The following EEIG2 variants were observed in gnomAD, a reference collection of about 807,000 sequenced individuals.
EEIG2 encodes the protein family with sequence similarity 102 member B.
chr1:108,580,219 G>A, the EEIG2 span, among the ~76,000 whole-genome samples: 1 of 152,118 alleles, frequency 6.6e-6, no homozygotes, highest in Non-Finnish European at 1.5e-5. Flanking sequence ...TTGTTTTGGG[G>A]AGCCATGAAC....
At chr1:108,574,769 G>C in the EEIG2 span, among the ~76,000 whole-genome samples, 2 of 152,144 alleles carry the variant, frequency 1.3e-5, no homozygotes, top group Non-Finnish European at 2.9e-5. Context: ...GGGGGGGTTA[G>C]ATGGTCAATT....
chr1:108,562,848 GA>G, the EEIG2 span, among the ~76,000 whole-genome samples: 966 of 136,262 alleles, frequency 7.1e-3, 7 homozygotes, highest in African/African-American at 0.022. Flanking sequence ...CATTTTACAA[GA>G]AAAAAAAAAA....
chr1:108,633,314 G>A, the EEIG2 span, among the ~76,000 whole-genome samples: 1 of 151,220 alleles, frequency 6.6e-6, no homozygotes, highest in Admixed American at 6.6e-5. Context: ...TGAAAGACAA[G>A]GTCTCACTCT....
At chr1:108,596,922 G>C in the EEIG2 span, among the ~76,000 whole-genome samples, 1 of 151,814 alleles carries the variant, frequency 6.6e-6, no homozygotes, top group Non-Finnish European at 1.5e-5. Flanking sequence ...GTTGAAACAG[G>C]GTCTCCTTTG....
chr1:108,630,342 G>A, the EEIG2 span, among the ~76,000 whole-genome samples: 5 of 152,042 alleles, frequency 3.3e-5, no homozygotes, highest in Admixed American at 6.6e-5. Flanking sequence ...ACCAAACACC[G>A]CTTGTTCTCA....
the EEIG2 span, among the ~76,000 whole-genome samples, chr1:108,596,721 A>G: frequency 6.6e-6 from 1 of 151,468 alleles, no homozygotes; most frequent in Non-Finnish European, 1.5e-5. Context: ...TGTTTTGTTC[A>G]AGTTGCTATT....
At chr1:108,628,070 T>C in the EEIG2 span, 1 of 1,006,642 alleles carries the variant, frequency 9.9e-7, no homozygotes, top group Non-Finnish European at 1.5e-6. Context: ...GTTTTGATAA[T>C]GAACTTGGCA....
At chr1:108,582,368 CA>C in the EEIG2 span, among the ~76,000 whole-genome samples, 1 of 152,066 alleles carries the variant, frequency 6.6e-6, no homozygotes, top group African/African-American at 2.4e-5. Flanking sequence ...AATTTTTTTA[CA>C]TTATGAGATT....
chr1:108,628,347 CAG>C, the EEIG2 span: 2 of 1,610,774 alleles, frequency 1.2e-6, no homozygotes, highest in African/African-American at 2.7e-5. Flanking sequence ...TGTCAGATTG[CAG>C]AGTGTTTGAT....
chr1:108,629,795 T>C, the EEIG2 span: 4 of 700,230 alleles, frequency 5.7e-6, no homozygotes, highest in South Asian at 4.7e-5. Flanking sequence ...TGCGAAGAGT[T>C]ACAGCTCTTA....
the EEIG2 span, among the ~76,000 whole-genome samples, chr1:108,617,926 G>T: frequency 6.6e-6 from 1 of 152,212 alleles, no homozygotes; most frequent in Non-Finnish European, 1.5e-5. Context: ...GACTTTGGCA[G>T]GCACTTTGGT....
the EEIG2 span, chr1:108,624,665 C>T: frequency 1.2e-6 from 2 of 1,613,978 alleles, no homozygotes; most frequent in African/African-American, 1.3e-5. Context: ...ACTTCAATGT[C>T]TATACCAATT....
At chr1:108,631,088 G>T in the EEIG2 span, 2 of 370,296 alleles carry the variant, frequency 5.4e-6, no homozygotes, top group East Asian at 8.9e-5. Flanking sequence ...TGTGAAAAAG[G>T]ATTTACAGAA....
At chr1:108,633,677 T>G in the EEIG2 span, among the ~76,000 whole-genome samples, 1 of 152,224 alleles carries the variant, frequency 6.6e-6, no homozygotes, top group Non-Finnish European at 1.5e-5. Context: ...TTATTACTGG[T>G]TTTTAGCACT....
chr1:108,583,638 A>T, the EEIG2 span, among the ~76,000 whole-genome samples: 3 of 152,088 alleles, frequency 2.0e-5, no homozygotes, highest in African/African-American at 7.2e-5. Flanking sequence ...TGTGCTGTTA[A>T]ACATTTGAGT....
the EEIG2 span, among the ~76,000 whole-genome samples, chr1:108,588,720 T>C: frequency 6.7e-6 from 1 of 149,844 alleles, no homozygotes; most frequent in East Asian, 2.0e-4. Context: ...TTTAATCAGG[T>C]TATTTGACTT....
chr1:108,620,819 TAAC>T, the EEIG2 span, among the ~76,000 whole-genome samples: 1 of 152,142 alleles, frequency 6.6e-6, no homozygotes, highest in African/African-American at 2.4e-5. Flanking sequence ...TGCCAAGACT[TAAC>T]AAGCTAGAAA....
the EEIG2 span, among the ~76,000 whole-genome samples, chr1:108,612,849 A>G: frequency 6.6e-6 from 1 of 152,344 alleles, no homozygotes; most frequent in South Asian, 2.1e-4. Context: ...TGCGCCTAGG[A>G]AACCCCATTA....
the EEIG2 span, among the ~76,000 whole-genome samples, chr1:108,621,068 C>T: frequency 6.6e-6 from 1 of 152,056 alleles, no homozygotes. Flanking sequence ...TTTATGCCAT[C>T]GTTACAGGGC....
Sources: gnomAD v4.1 joint callset for allele counts (sites outside exome capture counted in the v4.1 genomes callset) on GRCh38, gnomAD v4.1.1 for gene constraint, MANE v1.5 for transcripts, NCBI Gene and HGNC (gene_info 2026-07-23, HGNC 2026-07-21) for gene names.